The following PRKN variants were observed in gnomAD, a reference collection of about 807,000 sequenced individuals.
PRKN encodes the protein parkin RBR E3 ubiquitin protein ligase, also known as E3 ubiquitin-protein ligase parkin.
A neutral mutation model predicts 59.5 loss-of-function variants in PRKN; 56 were observed. That is an observed-to-expected ratio of 0.94 (90% confidence interval 0.76 to 1.18). PRKN has a LOEUF of 1.18. Among genes scored for constraint, PRKN ranks in the 50% most tolerant of loss-of-function variants. The pLI is 0.00. For synonymous variants in PRKN, 250 were observed against 222.1 expected, an observed-to-expected ratio of 1.13 and a Z score of -1.12; for missense variants, 657 against 596.4, an observed-to-expected ratio of 1.10 and a Z score of -1.06.
intron 3 of PRKN, among the ~76,000 whole-genome samples, chr6:162,238,557 G>A (rs1180929176): frequency 2.0e-5 from 3 of 152,196 alleles, no homozygotes; most frequent in Non-Finnish European, 2.9e-5. Flanking sequence ...CAAGGAAGAC[G>A]TTAGTATTCC....
intron 4 of PRKN, among the ~76,000 whole-genome samples, chr6:162,193,091 G>A (rs945629927): frequency 4.6e-5 from 7 of 152,136 alleles, no homozygotes; most frequent in Non-Finnish European, 1.0e-4. Flanking sequence ...AGCAATGAAA[G>A]GCTAGCACTA....
At chr6:162,219,072 C>A (rs1425945368) in intron 3 of PRKN, among the ~76,000 whole-genome samples, 1 of 152,094 alleles carries the variant, frequency 6.6e-6, no homozygotes, top group East Asian at 1.9e-4. Context: ...CACCTGTACT[C>A]CCAGCTACTT....
At chr6:161,375,025 G>A (rs889320432) in intron 10 of PRKN, among the ~76,000 whole-genome samples, 19 of 152,096 alleles carry the variant, frequency 1.2e-4, no homozygotes, top group African/African-American at 3.4e-4. Flanking sequence ...CACTGTGGCC[G>A]TGCAGAGGAA....
At chr6:162,541,937 C>G (rs1051641722) in intron 1 of PRKN, among the ~76,000 whole-genome samples, 4 of 152,152 alleles carry the variant, frequency 2.6e-5, no homozygotes, top group Non-Finnish European at 5.9e-5. Context: ...CGTCCTATGA[C>G]TATCCTGGTC....
At chr6:161,522,103 C>G (rs909699487) in intron 9 of PRKN, among the ~76,000 whole-genome samples, 7 of 152,084 alleles carry the variant, frequency 4.6e-5, no homozygotes, top group Non-Finnish European at 7.4e-5. Context: ...AGAGGTGTTT[C>G]TTAAAAAGCC....
At chr6:162,519,773 T>C (rs1778013090) in intron 1 of PRKN, among the ~76,000 whole-genome samples, 1 of 152,170 alleles carries the variant, frequency 6.6e-6, no homozygotes, top group Non-Finnish European at 1.5e-5. Context: ...ATAAACTGTC[T>C]TCCTTGGGTA....
rs1354071448 is a variant in PRKN, at chr6:161,393,897, C to T, written c.1084-7020G>A. ...GAGAATCAAATACCATCTTAGGACC[C>T]CTTACTAGAGTCAAGGCAAACATCA... is the stretch of plus-strand genomic sequence containing the variant. On this transcript the variant is annotated intron_variant, in intron 9 of 11. Transcript: ENST00000366898. This position sits in a 1 kb window ranked among gnomAD's most constrained non-coding sequence, Gnocchi z 4.7. Among the ~76,000 whole-genome samples, 1 of 152,102 alleles carries T rather than the reference C, an allele frequency of 6.6e-6. No homozygotes were observed. Among genetic ancestry groups the T allele is most frequent in the East Asian group, 1.9e-4 (1 of 5,196 alleles).
At chr6:162,352,005 C>A (rs1287995258) in intron 2 of PRKN, among the ~76,000 whole-genome samples, 6 of 152,142 alleles carry the variant, frequency 3.9e-5, no homozygotes, top group Non-Finnish European at 8.8e-5. Context: ...GCCACCCCCT[C>A]CGGACACCAG....
intron 4 of PRKN, among the ~76,000 whole-genome samples, chr6:162,090,919 G>A (rs1779467413): frequency 6.6e-6 from 1 of 152,100 alleles, no homozygotes; most frequent in Non-Finnish European, 1.5e-5. Flanking sequence ...GTAATTCGTG[G>A]CCACAAAAGT....
chr6:161,825,236 AAT>A (rs1562319481), intron 6 of PRKN, among the ~76,000 whole-genome samples: 1 of 152,176 alleles, frequency 6.6e-6, no homozygotes, highest in South Asian at 2.1e-4. Context: ...AGAAAATTGA[AAT>A]ATGTTATTTT....
At chr6:162,064,749 T>C (rs1338938906) in intron 4 of PRKN, among the ~76,000 whole-genome samples, 2 of 152,076 alleles carry the variant, frequency 1.3e-5, no homozygotes, top group Non-Finnish European at 2.9e-5. Flanking sequence ...CAAAGTTACA[T>C]TTTCTTTTAA....
intron 3 of PRKN, among the ~76,000 whole-genome samples, chr6:162,258,265 T>C (rs1347413782): frequency 1.3e-5 from 2 of 152,216 alleles, no homozygotes; most frequent in African/African-American, 2.4e-5. Context: ...ATCTTGTCTG[T>C]TTCTATTTTC....
chr6:161,936,873 C>T lies in PRKN; in HGVS notation c.734+36429G>A, dbSNP rs1385912310. On this transcript the variant is annotated intron_variant, in intron 6 of 11. Coordinates refer to ENST00000366898, the MANE Select transcript of PRKN (RefSeq NM_004562.3). Reference sequence around the variant, plus strand: ...TGATCTTGGCTCACTGAAACCTCCACCTCCCGGGTGCAACTGATTATCCTG... The same window carrying T: ...TGATCTTGGCTCACTGAAACCTCCATCTCCCGGGTGCAACTGATTATCCTG... Among the ~76,000 whole-genome samples the T allele has an allele frequency of 2.0e-5, 3 of 151,940 alleles. No individual in the cohort carries two copies. The East Asian group carries it at 5.8e-4, about 29-fold the overall frequency.
At chr6:161,998,280 A>G (rs1218971266) in intron 5 of PRKN, among the ~76,000 whole-genome samples, 1 of 152,086 alleles carries the variant, frequency 6.6e-6, no homozygotes, top group Admixed American at 6.6e-5. Flanking sequence ...CAAAGTAGAT[A>G]CACTGTCATA....
intron 1 of PRKN, among the ~76,000 whole-genome samples, chr6:162,706,822 C>G (rs986321298): frequency 6.6e-6 from 1 of 152,132 alleles, no homozygotes; most frequent in African/African-American, 2.4e-5. Flanking sequence ...AGATATAGAT[C>G]AATGACTAAA....
chr6:162,477,143 A>T (rs1375734899), intron 1 of PRKN, among the ~76,000 whole-genome samples: 1 of 152,188 alleles, frequency 6.6e-6, no homozygotes, highest in African/African-American at 2.4e-5. Flanking sequence ...ATAAAGCCAG[A>T]ATATACACCA....
chr6:162,220,658 A>T (rs192454595), intron 3 of PRKN, among the ~76,000 whole-genome samples: 1 of 152,330 alleles, frequency 6.6e-6, no homozygotes, highest in East Asian at 1.9e-4. Context: ...ATCAACGAAA[A>T]AAAAGTCAAG....
chr6:161,470,166 A>G lies in PRKN; in HGVS notation c.1083+78688T>C, dbSNP rs9458273. ...AACTCTGGCTAGGGTCTAAACCTAG[A>G]CAGTCTGAGCCTTGTAACCTACACT... On this transcript the variant is annotated intron_variant, in intron 9 of 11. Coordinates refer to ENST00000366898, the MANE Select transcript of PRKN (RefSeq NM_004562.3). This position sits in a 1 kb window ranked among gnomAD's most constrained non-coding sequence, Gnocchi z 5.1. Among the ~76,000 whole-genome samples, 55,280 of 152,106 alleles carry G rather than the reference A, an allele frequency of 0.36. 13,696 individuals are homozygous for G. Among genetic ancestry groups the G allele is most frequent in the African/African-American group, 0.71 (29,444 of 41,468 alleles).
intron 1 of PRKN, among the ~76,000 whole-genome samples, chr6:162,528,575 C>T (rs538190158): frequency 1.3e-4 from 20 of 152,122 alleles, no homozygotes; most frequent in Admixed American, 3.3e-4. Context: ...GTATCATGTA[C>T]GCAACACCAC....
Sources: allele counts gnomAD v4.1 joint callset (sites outside exome capture counted in the v4.1 genomes callset), GRCh38; gene constraint gnomAD v4.1.1; non-coding constraint Gnocchi (gnomAD v3.1); transcripts MANE v1.5; gene names NCBI Gene and HGNC (gene_info 2026-07-23, HGNC 2026-07-21).